The following MAGI2 variants were observed in gnomAD, a reference collection of about 807,000 sequenced individuals.
The protein encoded by MAGI2 is membrane-associated guanylate kinase, WW and PDZ domain-containing protein 2.
MAGI2 carries 35 observed loss-of-function variants against 133.3 expected under a neutral mutation model. The ratio of observed to expected loss-of-function variants is 0.26; its 90% CI spans 0.20 to 0.35. MAGI2 has a LOEUF of 0.35. Among genes scored for constraint, MAGI2 ranks in the 10% least tolerant of loss-of-function variants. The pLI is 1.00. For missense variants in MAGI2, 1,636 were observed against 1,863.4 expected, an observed-to-expected ratio of 0.88 and a Z score of 2.25; for synonymous variants, 729 against 710.6, an observed-to-expected ratio of 1.03 and a Z score of -0.41.
At chr7:78,662,085 T>C (rs1355949354) in intron 2 of MAGI2, among the ~76,000 whole-genome samples, 1 of 152,164 alleles carries the variant, frequency 6.6e-6, no homozygotes, top group Non-Finnish European at 1.5e-5. Context: ...GATGTAGAGT[T>C]TTCTTTAAAA....
chr7:78,803,491 T>TTTA (rs1788258523), intron 2 of MAGI2, among the ~76,000 whole-genome samples: 1 of 151,920 alleles, frequency 6.6e-6, no homozygotes, highest in African/African-American at 2.4e-5. Flanking sequence ...TTATTTATTT[T>TTTA]TTTTTTTTGC....
At chr7:79,049,277 T>G (rs577427141) in intron 1 of MAGI2, among the ~76,000 whole-genome samples, 1 of 151,580 alleles carries the variant, frequency 6.6e-6, no homozygotes, top group Non-Finnish European at 1.5e-5. Context: ...TTAATAAGAC[T>G]TTTTTTTCCC....
chr7:78,515,179 T>A (rs1427851357), intron 4 of MAGI2, among the ~76,000 whole-genome samples: 1 of 152,212 alleles, frequency 6.6e-6, no homozygotes, highest in African/African-American at 2.4e-5. Flanking sequence ...CCAAGAAAGC[T>A]TAACCTAATT....
intron 16 of MAGI2, among the ~76,000 whole-genome samples, chr7:78,139,333 C>A (rs1057121906): frequency 2.0e-5 from 3 of 152,188 alleles, no homozygotes; most frequent in African/African-American, 7.2e-5. Flanking sequence ...GTTTTCCTTA[C>A]ATATGTAAGT....
rs139826395 is a variant in MAGI2, at chr7:78,979,253, C to T, written c.418+27837G>A. On this transcript the variant is annotated intron_variant, in intron 2 of 21. Transcript: ENST00000354212. ...AACACCATCCTCCAATAAAAGGAAC[C>T]AGGACCCTTTGGAGAAATGGCTGAT... Among the ~76,000 whole-genome samples, 625 of 151,800 alleles carry T rather than the reference C, an allele frequency of 4.1e-3. 3 individuals carry two copies. The highest frequency in any genetic ancestry group is 0.014 in the African/African-American group (588 of 41,440).
chr7:78,689,256 T>C (rs1273763352), intron 2 of MAGI2, among the ~76,000 whole-genome samples: 3 of 152,184 alleles, frequency 2.0e-5, no homozygotes, highest in Non-Finnish European at 2.9e-5. Flanking sequence ...AGTTCATAGA[T>C]TATAACCACA....
chr7:78,883,980 G>T (rs1434185751), intron 2 of MAGI2, among the ~76,000 whole-genome samples: 1 of 152,086 alleles, frequency 6.6e-6, no homozygotes, highest in South Asian at 2.1e-4. Context: ...AAAAGCAATT[G>T]CAACAAAAAC....
chr7:78,210,220 G>A (rs1332181905), intron 10 of MAGI2, among the ~76,000 whole-genome samples: 1 of 152,118 alleles, frequency 6.6e-6, no homozygotes, highest in Non-Finnish European at 1.5e-5. Flanking sequence ...TCTTCATCAT[G>A]TATCCCCAGT....
chr7:79,412,659 G>T (rs1027785705), intron 1 of MAGI2: 9 of 152,116 alleles, frequency 5.9e-5, no homozygotes, highest in African/African-American at 2.2e-4. Context: ...AAAGACTAGT[G>T]GTGAGAGTCA....
intron 2 of MAGI2, among the ~76,000 whole-genome samples, chr7:78,704,975 G>A (rs1234868221): frequency 6.6e-6 from 1 of 151,928 alleles, no homozygotes; most frequent in Non-Finnish European, 1.5e-5. Flanking sequence ...ACAGAAAGAA[G>A]GGAACAACAG....
At chr7:78,645,236 G>C (rs914695950) in intron 2 of MAGI2, among the ~76,000 whole-genome samples, 50 of 151,932 alleles carry the variant, frequency 3.3e-4, no homozygotes, top group African/African-American at 1.2e-3. Context: ...ATTTAAGAAA[G>C]AAATAATGCT....
intron 1 of MAGI2, among the ~76,000 whole-genome samples, chr7:79,047,678 TA>T: frequency 6.6e-6 from 1 of 152,174 alleles, no homozygotes; most frequent in Non-Finnish European, 1.5e-5. Flanking sequence ...GAAGGTTTGA[TA>T]TATGCCATTT....
At chr7:78,079,313 A>G (rs1283691904) in intron 20 of MAGI2, among the ~76,000 whole-genome samples, 2 of 152,220 alleles carry the variant, frequency 1.3e-5, no homozygotes, top group African/African-American at 4.8e-5. Context: ...GACTGCAGCC[A>G]TATGTTACTT....
chr7:79,155,682 G>C (rs1297055469), intron 1 of MAGI2, among the ~76,000 whole-genome samples: 2 of 152,114 alleles, frequency 1.3e-5, no homozygotes, highest in Non-Finnish European at 2.9e-5. Flanking sequence ...CATGTGCAAA[G>C]GTCATCTTGC....
At chr7:78,065,734 T>C (rs1320846069) in intron 21 of MAGI2, 2 of 555,338 alleles carry the variant, frequency 3.6e-6, no homozygotes, top group Non-Finnish European at 6.3e-6. Flanking sequence ...GATATATTAT[T>C]ACTGTTAGAA....
At chr7:78,493,467 C>T (rs895567909) in intron 5 of MAGI2, among the ~76,000 whole-genome samples, 4 of 152,118 alleles carry the variant, frequency 2.6e-5, no homozygotes, top group Non-Finnish European at 2.9e-5. Context: ...TCATTTAATG[C>T]TAATGAGCCT....
chr7:78,033,039 C>A (rs984359236), intron 21 of MAGI2, among the ~76,000 whole-genome samples: 1 of 152,004 alleles, frequency 6.6e-6, no homozygotes, highest in African/African-American at 2.4e-5. Context: ...CTGCTGTGTG[C>A]AAAATAGATT....
rs777850104 is a variant in MAGI2 at position 78,019,737 on chromosome 7, G to T, written c.3946C>A (p.Arg1316Ser). 1.2e-6 allele frequency: 2 copies of T among 1,609,136 alleles called. No homozygotes were observed. Among genetic ancestry groups the T allele is most frequent in the Admixed American group, 1.7e-5 (1 of 59,828 alleles). The change falls in exon 22 of 22, where the codon CGC becomes AGC. Residue 1316 changes from arginine to serine, a missense_variant. Physicochemically the swap from Arg to Ser is moderately radical, Grantham distance 110 (BLOSUM62 -1). This residue lies in a region of MAGI2 where 354 missense variants were observed against 298.7 expected (regional missense o/e 1.19). Transcript: ENST00000354212. ...KKQRLGEQRERSASPQRAARP... is the reference protein window; with the variant it reads ...KKQRLGEQRESSASPQRAARP... ...GCGGCCCTCTGCGGACTCGCCGAGC[G>T]CTCCCTCTGCTCCCCGAGGCGCTGC...
intron 1 of MAGI2, among the ~76,000 whole-genome samples, chr7:79,101,687 G>A (rs1387725491): frequency 7.5e-6 from 1 of 133,832 alleles, no homozygotes; most frequent in Admixed American, 8.7e-5. Flanking sequence ...TCGCGCCACC[G>A]CACTCCAGCA....
Sources: gnomAD v4.1 joint callset for allele counts (sites outside exome capture counted in the v4.1 genomes callset) on GRCh38, gnomAD v4.1.1 for gene constraint, gnomAD v4.1.1 regional missense constraint, MANE v1.5 for transcripts, NCBI Gene and HGNC (gene_info 2026-07-23, HGNC 2026-07-21) for gene names.